The following TAFA2 variants were observed in gnomAD, a reference collection of about 807,000 sequenced individuals.
TAFA2 encodes the protein chemokine-like protein TAFA-2.
A neutral mutation model predicts 18.8 loss-of-function variants in TAFA2; 7 were observed. The observed-to-expected ratio is 0.37, with a 90% CI of 0.21 to 0.70. The LOEUF (loss-of-function observed/expected upper bound fraction) is 0.70, where lower values mean the gene tolerates loss of function less well. Among genes scored for constraint, TAFA2 ranks in the 30% least tolerant of loss-of-function variants. TAFA2 has a pLI of 0.53. For synonymous variants in TAFA2, 60 were observed against 54.2 expected (o/e 1.11, Z -0.47); for missense variants, 122 against 158.1 (o/e 0.77, Z 1.23).
At chr12:62,018,755 T>C (rs1181497930) in intron 1 of TAFA2, among the ~76,000 whole-genome samples, 2 of 152,186 alleles carry the variant, frequency 1.3e-5, no homozygotes, top group Non-Finnish European at 2.9e-5. Flanking sequence ...ATTCAGGACA[T>C]GGGCATGGGC....
chr12:61,905,319 C>T (rs1238924017), intron 1 of TAFA2, among the ~76,000 whole-genome samples: 1 of 152,000 alleles, frequency 6.6e-6, no homozygotes, highest in Non-Finnish European at 1.5e-5. Context: ...AACTTAAGTA[C>T]CACAAAAGAA....
chr12:61,715,219 T>C (rs1245397438), intron 4 of TAFA2, among the ~76,000 whole-genome samples: 1 of 152,234 alleles, frequency 6.6e-6, no homozygotes, highest in Non-Finnish European at 1.5e-5. Context: ...TAGTGATTCA[T>C]CTTGCAATTA....
chr12:62,176,478 G>A (rs1208878928), intron 1 of TAFA2, among the ~76,000 whole-genome samples: 1 of 151,986 alleles, frequency 6.6e-6, no homozygotes. Context: ...AAATGTAATC[G>A]TACATTTTGG....
At chr12:61,836,713 T>C (rs1035311246) in intron 2 of TAFA2, among the ~76,000 whole-genome samples, 1 of 104,356 alleles carries the variant, frequency 9.6e-6, no homozygotes, top group African/African-American at 3.0e-5. Flanking sequence ...CACTTAGTAT[T>C]TAGAATTGTT....
At chr12:62,097,839 C>T (rs561958632) in intron 1 of TAFA2, among the ~76,000 whole-genome samples, 1 of 152,204 alleles carries the variant, frequency 6.6e-6, no homozygotes, top group Admixed American at 6.5e-5. Flanking sequence ...GTAAATCAAA[C>T]AATCAGCATG....
intron 1 of TAFA2, among the ~76,000 whole-genome samples, chr12:62,122,815 C>A (rs925031084): frequency 6.6e-6 from 1 of 152,176 alleles, no homozygotes; most frequent in Non-Finnish European, 1.5e-5. Flanking sequence ...GTGTGAACTG[C>A]ACCGCATAGG....
chr12:62,062,437 A>C (rs1181289116), intron 1 of TAFA2, among the ~76,000 whole-genome samples: 1 of 152,112 alleles, frequency 6.6e-6, no homozygotes, highest in Non-Finnish European at 1.5e-5. Context: ...CTCATGCTGC[A>C]GCTGTGATAG....
chr12:62,181,990 T>TCACC, intron 1 of TAFA2, among the ~76,000 whole-genome samples: 1 of 138,492 alleles, frequency 7.2e-6, no homozygotes, highest in Non-Finnish European at 1.6e-5. Flanking sequence ...CTCAAGTCCA[T>TCACC]CCCCCCCCCG....
chr12:62,066,298 T>C (rs1408661209), intron 1 of TAFA2, among the ~76,000 whole-genome samples: 2 of 151,942 alleles, frequency 1.3e-5, no homozygotes, highest in Non-Finnish European at 2.9e-5. Flanking sequence ...CCAATTATAC[T>C]CTTTTAGTTA....
chr12:61,901,955 A>C (rs1482064237), intron 1 of TAFA2, among the ~76,000 whole-genome samples: 1 of 152,158 alleles, frequency 6.6e-6, no homozygotes, highest in Admixed American at 6.5e-5. Context: ...ATAGCAGTAT[A>C]ACTTCTATCA....
intron 2 of TAFA2, among the ~76,000 whole-genome samples, chr12:61,847,291 TGAG>T: frequency 6.6e-6 from 1 of 152,350 alleles, no homozygotes; most frequent in South Asian, 2.1e-4. Flanking sequence ...TTTTCTTAGT[TGAG>T]GAGTTCCTTG....
chr12:61,917,139 A>G (rs1876854228), intron 1 of TAFA2, among the ~76,000 whole-genome samples: 1 of 152,256 alleles, frequency 6.6e-6, no homozygotes, highest in African/African-American at 2.4e-5. Flanking sequence ...GATAACTGTC[A>G]GGAGAGCCTG....
chr12:62,046,737 ATAAC>A (rs144921030), intron 1 of TAFA2, among the ~76,000 whole-genome samples: 3,634 of 152,224 alleles, frequency 0.024, 142 homozygotes, highest in African/African-American at 0.082. Flanking sequence ...CCATAGATGA[ATAAC>A]TAACACTATG....
intron 2 of TAFA2, among the ~76,000 whole-genome samples, chr12:61,796,091 A>T (rs1871177535): frequency 6.6e-6 from 1 of 152,180 alleles, no homozygotes; most frequent in African/African-American, 2.4e-5. Context: ...TTCTTAAAGC[A>T]CTAAGCATAA....
chr12:61,792,761 A>G (rs1871034789), intron 2 of TAFA2, among the ~76,000 whole-genome samples: 1 of 151,524 alleles, frequency 6.6e-6, no homozygotes, highest in African/African-American at 2.4e-5. Context: ...ATTATGCATA[A>G]TAACAGAACT....
In TAFA2 at chr12:61,856,651, C is replaced by T. The variant is rs114213250; in HGVS notation, c.106+10669G>A. Among the ~76,000 whole-genome samples, 1,348 of 151,880 alleles carry T rather than the reference C, an allele frequency of 8.9e-3. 21 individuals are homozygous for T. Among genetic ancestry groups the T allele is most frequent in the African/African-American group, 0.031 (1,283 of 41,498 alleles). Reference sequence around the variant, plus strand: ...CTAGTCTAGATCATTTTTGTTAGTGCTATTTTATACTTTCTAAATATCCTG... The same window carrying T: ...CTAGTCTAGATCATTTTTGTTAGTGTTATTTTATACTTTCTAAATATCCTG... On this transcript the variant is annotated intron_variant, in intron 2 of 4. Coordinates refer to ENST00000416284, the MANE Select transcript of TAFA2 (RefSeq NM_178539.5).
intron 1 of TAFA2, among the ~76,000 whole-genome samples, chr12:62,228,748 G>T (rs555687090): frequency 6.6e-6 from 1 of 152,178 alleles, no homozygotes; most frequent in South Asian, 2.1e-4. Context: ...AATTTTTTCT[G>T]TGAAGAATGT....
rs1321486253 is a variant in TAFA2, at chr12:61,836,765, A to ACG, written c.106+30554_106+30555insCG. ...TATATATATATATATATACACACACACACACAAATACATATATATCATTGT... is the reference window on the plus strand; with the variant it reads ...TATATATATATATATATACACACACACGCACACAAATACATATATATCATTGT... On this transcript the variant is annotated intron_variant, in intron 2 of 4. Coordinates refer to ENST00000416284, the MANE Select transcript of TAFA2 (RefSeq NM_178539.5). 2.1e-5 allele frequency among the ~76,000 whole-genome samples: 3 copies of ACG among 146,004 alleles called. No homozygotes were observed. In the East Asian group the frequency reaches 6.0e-4, roughly 29 times the overall value.
At chr12:62,094,510 A>G (rs1868861176) in intron 1 of TAFA2, among the ~76,000 whole-genome samples, 1 of 152,074 alleles carries the variant, frequency 6.6e-6, no homozygotes, top group Admixed American at 6.6e-5. Context: ...TTAAAAAAAG[A>G]AATAATTTTA....
Sources: allele counts gnomAD v4.1 joint callset (sites outside exome capture counted in the v4.1 genomes callset), GRCh38; gene constraint gnomAD v4.1.1; transcripts MANE v1.5; gene names NCBI Gene and HGNC (gene_info 2026-07-23, HGNC 2026-07-21).